PDE7A: variants seen among roughly 807,000 people sequenced by gnomAD.
PDE7A encodes the protein phosphodiesterase 7A, also known as high affinity 3',5'-cyclic-AMP phosphodiesterase 7A.
A neutral mutation model predicts 64.3 loss-of-function variants in PDE7A; 39 were observed. The observed-to-expected ratio is 0.61, with a 90% confidence interval of 0.47 to 0.79. PDE7A has a LOEUF of 0.79. Among genes scored for constraint, PDE7A ranks in the 30% least tolerant of loss-of-function variants. The probability of loss-of-function intolerance (pLI) is 0.00; values close to 1 mark genes in which losing one functional copy is unlikely to be tolerated. For synonymous variants in PDE7A, 203 were observed against 206.8 expected, an observed-to-expected ratio of 0.98 and a Z score of 0.16; for missense variants, 470 against 582.8, an observed-to-expected ratio of 0.81 and a Z score of 1.99.
At chr8:65,776,104 A>G (rs1223481898) in intron 3 of PDE7A, among the ~76,000 whole-genome samples, 1 of 152,156 alleles carries the variant, frequency 6.6e-6, no homozygotes, top group Non-Finnish European at 1.5e-5. Flanking sequence ...CTGAATTATC[A>G]GCATAATTTG....
intron 1 of PDE7A, among the ~76,000 whole-genome samples, chr8:65,786,130 G>T (rs1487339282): frequency 6.6e-6 from 1 of 152,074 alleles, no homozygotes; most frequent in Non-Finnish European, 1.5e-5. Flanking sequence ...AAAAGGCAGA[G>T]TTTAATTTTA....
At chr8:65,823,817 G>A (rs914980418) in intron 1 of PDE7A, among the ~76,000 whole-genome samples, 14 of 151,966 alleles carry the variant, frequency 9.2e-5, no homozygotes, top group African/African-American at 1.9e-4. Flanking sequence ...AATAATAAAC[G>A]TACTGCTATT....
At chr8:65,753,653 G>A (rs1327105050) in intron 3 of PDE7A, among the ~76,000 whole-genome samples, 1 of 152,164 alleles carries the variant, frequency 6.6e-6, no homozygotes, top group East Asian at 1.9e-4. Flanking sequence ...CTGGATTATA[G>A]TGTTGCTCAG....
At chr8:65,794,632 C>T (rs920820049) in intron 1 of PDE7A, among the ~76,000 whole-genome samples, 3 of 152,148 alleles carry the variant, frequency 2.0e-5, no homozygotes, top group African/African-American at 7.2e-5. Flanking sequence ...CAAAAATTTT[C>T]TGAAGTATAC....
intron 5 of PDE7A, among the ~76,000 whole-genome samples, chr8:65,741,663 T>C (rs1046750866): frequency 1.3e-5 from 2 of 152,164 alleles, no homozygotes; most frequent in Non-Finnish European, 2.9e-5. Flanking sequence ...CAAACACGAG[T>C]CCATGTGGTG....
intron 7 of PDE7A, among the ~76,000 whole-genome samples, chr8:65,729,574 C>T (rs1404593899): frequency 5.9e-5 from 9 of 151,908 alleles, no homozygotes; most frequent in Non-Finnish European, 1.2e-4. Context: ...AAAACAGATT[C>T]TATTTTTTTG....
At chr8:65,837,155 G>A (rs544190121) in intron 1 of PDE7A, among the ~76,000 whole-genome samples, 5 of 152,178 alleles carry the variant, frequency 3.3e-5, no homozygotes, top group Non-Finnish European at 7.3e-5. Context: ...TATCCAAGGG[G>A]CTTTGAACTA....
intron 3 of PDE7A, among the ~76,000 whole-genome samples, chr8:65,749,549 G>A (rs1214986072): frequency 1.3e-5 from 2 of 152,316 alleles, no homozygotes; most frequent in East Asian, 3.9e-4. Flanking sequence ...TGATGATTAT[G>A]TTTAAACTAG....
chr8:65,782,910 C>T, intron 1 of PDE7A, 67 bp from the exon 2 acceptor site: 1 of 880,866 alleles, frequency 1.1e-6, no homozygotes, highest in Non-Finnish European at 1.8e-6. Context: ...ACTCAACAAA[C>T]ATGTATTCAT....
chr8:65,793,869 C>G (rs1437346495), intron 1 of PDE7A, among the ~76,000 whole-genome samples: 1 of 152,178 alleles, frequency 6.6e-6, no homozygotes, highest in Non-Finnish European at 1.5e-5. Context: ...CAGAATTTGA[C>G]TCTTATTTCC....
intron 1 of PDE7A, among the ~76,000 whole-genome samples, chr8:65,797,530 G>C (rs535761114): frequency 2.0e-5 from 3 of 152,344 alleles, no homozygotes; most frequent in African/African-American, 7.2e-5. Flanking sequence ...CCAGCCTCCA[G>C]AAGTGTGAGA....
intron 1 of PDE7A, among the ~76,000 whole-genome samples, chr8:65,800,658 ATAAC>A (rs968839969): frequency 6.6e-6 from 1 of 152,158 alleles, no homozygotes; most frequent in African/African-American, 2.4e-5. Context: ...GTTTGGTTCT[ATAAC>A]ATTCTCTCTC....
intron 1 of PDE7A, among the ~76,000 whole-genome samples, chr8:65,796,299 G>T (rs918422389): frequency 1.3e-5 from 2 of 151,882 alleles, no homozygotes; most frequent in African/African-American, 4.8e-5. Context: ...TGTCAAAGCA[G>T]GTTAAACGAA....
At chr8:65,757,078 T>A (rs1808268789) in intron 3 of PDE7A, among the ~76,000 whole-genome samples, 1 of 151,994 alleles carries the variant, frequency 6.6e-6, no homozygotes, top group Admixed American at 6.6e-5. Flanking sequence ...TCCTCTTGGG[T>A]TTTTATGGAA....
At chr8:65,785,289 C>A (rs1039306187) in intron 1 of PDE7A, among the ~76,000 whole-genome samples, 4 of 152,082 alleles carry the variant, frequency 2.6e-5, no homozygotes, top group African/African-American at 9.7e-5. Flanking sequence ...TATCTTTGCA[C>A]TTTTTGAGTC....
chr8:65,763,337 G>C (rs559207068), intron 3 of PDE7A, among the ~76,000 whole-genome samples: 24 of 152,040 alleles, frequency 1.6e-4, no homozygotes, highest in Non-Finnish European at 3.2e-4. Flanking sequence ...AGGCTGAGGC[G>C]GGTGGATCAC....
rs1347944639 is a variant in PDE7A, at chr8:65,779,720, A to G, written c.283T>C (p.Ser95Pro). Reference sequence around the variant, plus strand: ...AAACTTCATGTCTACCAACACTTACAGTGGAAAATACGAAAATCAATATAT... The same window carrying G: ...AAACTTCATGTCTACCAACACTTACGGTGGAAAATACGAAAATCAATATAT... Reference protein sequence around the residue: ...HPYIDFRIFHSQSEIEVSVSA... With the variant: ...HPYIDFRIFHPQSEIEVSVSA... The change falls in exon 3 of 13, where the codon TCT (serine) becomes CCT (proline). Residue 95 changes from serine to proline, a missense_variant and splice_region_variant. Coordinates refer to ENST00000401827, the MANE Select transcript of PDE7A (RefSeq NM_001242318.3). 1 of 1,508,114 alleles carries G rather than the reference A, an allele frequency of 6.6e-7. No individual in the cohort carries two copies. The highest frequency in any genetic ancestry group is 1.2e-5 in the South Asian group (1 of 85,102). The allele number at this position is 1,508,114 out of a possible 1,614,324, so 93.4% of individuals were successfully genotyped here.
At chr8:65,750,474 CTG>C (rs371620919) in intron 3 of PDE7A, among the ~76,000 whole-genome samples, 3,258 of 142,690 alleles carry the variant, frequency 0.023, 133 homozygotes, top group African/African-American at 0.075. Context: ...ATTAGAATCA[CTG>C]TGTGTGTGTG....
In PDE7A at chr8:65,727,273, A is replaced by C. The variant is rs1806650030; in HGVS notation, c.725T>G (p.Ile242Ser). 6.2e-7 allele frequency: 1 copy of C among 1,613,512 alleles called. No homozygotes were observed. Among genetic ancestry groups the C allele is most frequent in the East Asian group, 2.2e-5 (1 of 44,862 alleles). ...GGCAGCTGCAATTAAGCTCAGCAAGATATCCCAAGGAGTTACAGAATTGGC... is the reference window on the plus strand; with the variant it reads ...GGCAGCTGCAATTAAGCTCAGCAAGCTATCCCAAGGAGTTACAGAATTGGC... ...KLANSVTPWD[I>S]LLSLIAAATH... Residue 242 changes from isoleucine (I) to serine (S), a missense_variant, in exon 8 of 13, where the codon ATC becomes AGC. Transcript: ENST00000401827.
Sources: allele counts gnomAD v4.1 joint callset (sites outside exome capture counted in the v4.1 genomes callset), GRCh38; gene constraint gnomAD v4.1.1; transcripts MANE v1.5; gene names NCBI Gene and HGNC (gene_info 2026-07-23, HGNC 2026-07-21).